The following MCHR2 variants were observed in gnomAD, a reference collection of about 807,000 sequenced individuals.
MCHR2 encodes melanin-concentrating hormone receptor 2.
A neutral mutation model predicts 24.8 loss-of-function variants in MCHR2; 15 were observed. That is an observed-to-expected ratio of 0.60 (90% CI 0.40 to 0.93). The LOEUF is 0.93. Among genes scored for constraint, MCHR2 ranks in the 40% least tolerant of loss-of-function variants. The pLI is 0.00. For synonymous variants in MCHR2, 151 were observed against 147.6 expected (o/e 1.02, Z -0.17); for missense variants, 386 against 408.7 (o/e 0.94, Z 0.48).
chr6:99,930,667 T>C (rs184773707), intron 5 of MCHR2, among the ~76,000 whole-genome samples: 72 of 152,356 alleles, frequency 4.7e-4, no homozygotes, highest in African/African-American at 1.7e-3. Flanking sequence ...ACGTAGTTTT[T>C]GAGCCTTGGC....
At chr6:99,943,207 A>C in intron 3 of MCHR2, 64 bp from the exon 4 acceptor site, 2 of 1,386,538 alleles carry the variant, frequency 1.4e-6, no homozygotes, top group African/African-American at 2.9e-5. Context: ...CAAGGATGAA[A>C]GGTTCATGAT....
chr6:99,946,005 G>A (rs558390300), intron 3 of MCHR2, among the ~76,000 whole-genome samples: 2 of 151,874 alleles, frequency 1.3e-5, no homozygotes, highest in East Asian at 1.9e-4. Context: ...GAGATTTATA[G>A]GAGTATACCT....
intron 4 of MCHR2, among the ~76,000 whole-genome samples, chr6:99,934,817 A>G (rs546640994): frequency 6.6e-6 from 1 of 152,198 alleles, no homozygotes; most frequent in African/African-American, 2.4e-5. Context: ...AGGCAACAGT[A>G]TGTAACATTT....
At chr6:99,922,403 G>A (rs900027536) in intron 5 of MCHR2, among the ~76,000 whole-genome samples, 7 of 152,076 alleles carry the variant, frequency 4.6e-5, no homozygotes, top group African/African-American at 1.7e-4. Context: ...CACCGCGCCC[G>A]GACCCATTTG....
chr6:99,942,808 A>G, intron 4 of MCHR2, 141 bp downstream of exon 4: 1 of 570,706 alleles, frequency 1.8e-6, no homozygotes. Flanking sequence ...CCTTGATTGT[A>G]TGTGTGGAGA....
At chr6:99,961,456 C>T (rs920625820) in intron 1 of MCHR2, among the ~76,000 whole-genome samples, 1 of 152,034 alleles carries the variant, frequency 6.6e-6, no homozygotes, top group Admixed American at 6.6e-5. Context: ...TGGAACCAAC[C>T]CAAATGTCCA....
chr6:99,954,867 CAT>C (rs1775029843), intron 2 of MCHR2, among the ~76,000 whole-genome samples: 1 of 152,082 alleles, frequency 6.6e-6, no homozygotes, highest in South Asian at 2.1e-4. Context: ...CAAAATATTA[CAT>C]AAAATTACTT....
At chr6:99,931,598 G>C (rs1186561915) in intron 5 of MCHR2, among the ~76,000 whole-genome samples, 1 of 152,094 alleles carries the variant, frequency 6.6e-6, no homozygotes, top group African/African-American at 2.4e-5. Flanking sequence ...TGACTGCTGT[G>C]CTAGCAATTA....
At chr6:99,939,882 T>C (rs1774739167) in intron 4 of MCHR2, among the ~76,000 whole-genome samples, 1 of 151,176 alleles carries the variant, frequency 6.6e-6, no homozygotes, top group Non-Finnish European at 1.5e-5. Context: ...GTTTTTTTTT[T>C]TTTTTTTTTC....
chr6:99,973,414 T>C (rs912384629), intron 1 of MCHR2, among the ~76,000 whole-genome samples: 13 of 152,164 alleles, frequency 8.5e-5, no homozygotes, highest in African/African-American at 2.7e-4. Context: ...TCCATTTGCT[T>C]GGTAGATCTT....
intron 5 of MCHR2, among the ~76,000 whole-genome samples, chr6:99,927,754 T>G (rs1473624476): frequency 6.6e-6 from 1 of 152,160 alleles, no homozygotes; most frequent in Non-Finnish European, 1.5e-5. Context: ...AATGGGGTTT[T>G]CTAGATATAC....
Position 99,947,866 on chromosome 6 carries a change from C to T in MCHR2, c.288G>A (p.Gly96=), listed in dbSNP as rs769175292. ...GAGGCCCCCCAAACACCCACTCTCC[C>T]CCTCGGGCCCATTGGTGAATAAGAA... The part of the protein sequence containing the change: ...MPFLIHQWAR[G]GEWVFGGPLC... The change falls in exon 3 of 6, where the codon GGG becomes GGA. Residue 96 remains glycine, a synonymous_variant. Transcript: ENST00000281806. 6.2e-7 allele frequency: 1 copy of T among 1,613,784 alleles called. No homozygotes were observed. The highest frequency in any genetic ancestry group is 1.3e-5 in the African/African-American group (1 of 75,020).
At chr6:99,930,295 G>A (rs1774486615) in intron 5 of MCHR2, among the ~76,000 whole-genome samples, 2 of 152,114 alleles carry the variant, frequency 1.3e-5, no homozygotes, top group African/African-American at 4.8e-5. Flanking sequence ...TTCAACTTTG[G>A]TGAATCTGAC....
chr6:99,960,444 C>T (rs1775161093), intron 1 of MCHR2, among the ~76,000 whole-genome samples: 1 of 152,154 alleles, frequency 6.6e-6, no homozygotes, highest in Admixed American at 6.5e-5. Flanking sequence ...CCCCATCAAG[C>T]TACCAATGAC....
At chr6:99,965,159 A>G (rs536773334) in intron 1 of MCHR2, among the ~76,000 whole-genome samples, 7 of 152,188 alleles carry the variant, frequency 4.6e-5, no homozygotes, top group African/African-American at 1.7e-4. Context: ...AATAACAGTA[A>G]AAGTATTGTT....
chr6:99,970,656 T>C (rs1294569634), intron 1 of MCHR2, among the ~76,000 whole-genome samples: 1 of 152,218 alleles, frequency 6.6e-6, no homozygotes, highest in East Asian at 1.9e-4. Flanking sequence ...TCCTGAATGG[T>C]ATTGCCTAGG....
rs143867311 is a variant in MCHR2 at position 99,942,988 on chromosome 6, C to T, written c.548G>A (p.Ser183Asn). 3 of 1,612,702 alleles carry T rather than the reference C, an allele frequency of 1.9e-6. No homozygotes were observed. The highest frequency in any genetic ancestry group is 1.7e-6 in the Non-Finnish European group (2 of 1,179,126). Residue 183 changes from serine (S) to asparagine (N), a missense_variant, in exon 4 of 6, where the codon AGT becomes AAT. Transcript: ENST00000281806. ...KVIKFKDGVE[S>N]CAFDLTSPDD... is the part of the protein sequence containing the mutation. ...AGGGGATGTCAAATCAAAAGCACAA[C>T]TCTCAACACCGTCTTTAAATTTGAT...
At chr6:99,941,011 T>C (rs889457956) in intron 4 of MCHR2, among the ~76,000 whole-genome samples, 3 of 152,122 alleles carry the variant, frequency 2.0e-5, no homozygotes, top group Non-Finnish European at 4.4e-5. Flanking sequence ...CTCAGGGATA[T>C]TTCTCCCTTC....
intron 1 of MCHR2, among the ~76,000 whole-genome samples, chr6:99,976,326 T>C (rs1273657221): frequency 6.6e-6 from 1 of 152,228 alleles, no homozygotes; most frequent in Non-Finnish European, 1.5e-5. Flanking sequence ...TATGTGATTT[T>C]TGCACAAGTC....
Sources: allele counts gnomAD v4.1 joint callset (sites outside exome capture counted in the v4.1 genomes callset), GRCh38; gene constraint gnomAD v4.1.1; transcripts MANE v1.5; gene names NCBI Gene and HGNC (gene_info 2026-07-23, HGNC 2026-07-21).